MYO1B: variants seen among roughly 807,000 people sequenced by gnomAD.
MYO1B encodes myosin IB.
A neutral mutation model predicts 159.7 loss-of-function variants in MYO1B; 72 were observed. That is an observed-to-expected ratio of 0.45 (90% CI 0.37 to 0.55). The LOEUF is 0.55. Among genes scored for constraint, MYO1B ranks in the 20% least tolerant of loss-of-function variants. The pLI is 0.00. For synonymous variants in MYO1B, 468 were observed against 473.8 expected (o/e 0.99, Z 0.16); for missense variants, 1,062 against 1,364.8 (o/e 0.78, Z 3.50).
rs71403288 is a variant in MYO1B at position 191,360,751 on chromosome 2, G to GTGTTGTTGTTGTTGT, written c.661+46_661+60dup. On this transcript the variant is annotated intron_variant, in intron 8 of 30. Coordinates refer to ENST00000392318, the MANE Select transcript of MYO1B (RefSeq NM_001130158.3). Reference sequence around the variant, plus strand: ...CTCAGTAAGTCTCTGTTTCTATGTGGTGTTGTTGTTGTTGTTGTTGTTGTT... The same window carrying GTGTTGTTGTTGTTGT: ...CTCAGTAAGTCTCTGTTTCTATGTGGTGTTGTTGTTGTTGTTGTTGTTGTTGTTGTTGTTGTTGTT... 6.0e-4 allele frequency: 673 copies of GTGTTGTTGTTGTTGT among 1,118,286 alleles called. 3 individuals carry two copies. Among genetic ancestry groups the GTGTTGTTGTTGTTGT allele is most frequent in the East Asian group, 2.6e-3 (108 of 41,236 alleles). 69.3% of individuals were successfully genotyped at this position (1,118,286 alleles called of 1,614,324 possible).
At chr2:191,391,292 A>G (rs866380662) in intron 18 of MYO1B, among the ~76,000 whole-genome samples, 12 of 152,308 alleles carry the variant, frequency 7.9e-5, no homozygotes, top group African/African-American at 1.2e-4. Flanking sequence ...ATTTAACTGT[A>G]CTGGTATTGC....
chr2:191,411,668 T>C (rs1697256863), intron 27 of MYO1B, among the ~76,000 whole-genome samples: 1 of 152,190 alleles, frequency 6.6e-6, no homozygotes, highest in South Asian at 2.1e-4. Context: ...TGCCCTTTGG[T>C]CTGCTAACTC....
At chr2:191,339,671 C>G (rs1291262671) in intron 4 of MYO1B, among the ~76,000 whole-genome samples, 1 of 152,146 alleles carries the variant, frequency 6.6e-6, no homozygotes, top group Non-Finnish European at 1.5e-5. Context: ...ATTGAAGAAG[C>G]ACCTAATGTC....
chr2:191,400,276 A>C, intron 21 of MYO1B, 106 bp from the exon 22 acceptor site: 1 of 1,205,178 alleles, frequency 8.3e-7, no homozygotes, highest in Non-Finnish European at 1.2e-6. Flanking sequence ...GATTTATCAC[A>C]ATAGCATGGG....
chr2:191,421,133 G>C (rs1313754964), intron 30 of MYO1B, among the ~76,000 whole-genome samples: 1 of 150,182 alleles, frequency 6.7e-6, no homozygotes, highest in Non-Finnish European at 1.5e-5. Flanking sequence ...GCAGTGGCGA[G>C]ATCTCGGCTC....
At chr2:191,413,796 C>T (rs981509610) in intron 27 of MYO1B, among the ~76,000 whole-genome samples, 7 of 152,042 alleles carry the variant, frequency 4.6e-5, no homozygotes, top group African/African-American at 1.4e-4. Flanking sequence ...TTGATTGTTC[C>T]GTGTGATAAG....
At chr2:191,364,856 G>A (rs1240194997) in intron 11 of MYO1B, among the ~76,000 whole-genome samples, 2 of 152,198 alleles carry the variant, frequency 1.3e-5, no homozygotes, top group South Asian at 2.1e-4. Flanking sequence ...GGTGCTAGCT[G>A]GTTTAAGAGG....
Position 191,254,499 on chromosome 2 carries a change from C to T in MYO1B, c.-10+8873C>T, listed in dbSNP as rs569021606. Among the ~76,000 whole-genome samples the T allele has an allele frequency of 4.6e-5, 7 of 151,808 alleles. No individual in the cohort carries two copies. In the East Asian group the frequency reaches 1.2e-3, roughly 25 times the overall value. The stretch of plus-strand genomic sequence containing the variant: ...TGCTAGGATTACAGGCGTGAGCCAC[C>T]GCGCCCGGCCTCTTTTTTTTTTTTA... On this transcript the variant is annotated intron_variant, in intron 1 of 30. Transcript: ENST00000392318.
chr2:191,350,153 C>A lies in MYO1B; in HGVS notation c.499-9C>A. On this transcript the variant is annotated splice_polypyrimidine_tract_variant and intron_variant, in intron 6 of 30. Transcript: ENST00000392318. The stretch of plus-strand genomic sequence containing the variant: ...GAACTAGAAAACTCACAAAATCTTT[C>A]TTTGGCAGGGCAAATATATGGATAT... The A allele has an allele frequency of 6.2e-7, 1 of 1,612,022 alleles. No homozygotes were observed. Among genetic ancestry groups the A allele is most frequent in the Non-Finnish European group, 8.5e-7 (1 of 1,178,616 alleles).
chr2:191,264,887 G>A (rs1321007368), intron 1 of MYO1B, among the ~76,000 whole-genome samples: 1 of 151,880 alleles, frequency 6.6e-6, no homozygotes, highest in Non-Finnish European at 1.5e-5. Flanking sequence ...GCTGGGACAA[G>A]ATCCTAGGAG....
At chr2:191,280,521 G>A (rs1375583161) in intron 2 of MYO1B, among the ~76,000 whole-genome samples, 2 of 152,198 alleles carry the variant, frequency 1.3e-5, no homozygotes, top group African/African-American at 4.8e-5. Flanking sequence ...AGAAGAGGCA[G>A]TGCTGCTTCT....
At chr2:191,297,621 G>A (rs1243295982) in intron 3 of MYO1B, among the ~76,000 whole-genome samples, 1 of 152,178 alleles carries the variant, frequency 6.6e-6, no homozygotes, top group East Asian at 1.9e-4. Flanking sequence ...ATATTGATGA[G>A]GAAATGTTCA....
At chr2:191,298,385 A>G (rs1028140720) in intron 3 of MYO1B, among the ~76,000 whole-genome samples, 4 of 152,172 alleles carry the variant, frequency 2.6e-5, no homozygotes, top group African/African-American at 9.7e-5. Flanking sequence ...GAAATACTTT[A>G]TTTGATACCT....
intron 3 of MYO1B, among the ~76,000 whole-genome samples, chr2:191,312,443 T>C (rs1201926274): frequency 6.6e-6 from 1 of 152,274 alleles, no homozygotes; most frequent in Non-Finnish European, 1.5e-5. Flanking sequence ...CAAACACATA[T>C]GGTCCATATT....
chr2:191,296,022 AG>A (rs1420335302), intron 2 of MYO1B, 88 bp from the exon 3 acceptor site: 1 of 589,052 alleles, frequency 1.7e-6, no homozygotes, highest in African/African-American at 1.9e-5. Context: ...TGATTTTAAA[AG>A]GTTGAAACCA....
At chr2:191,308,685 A>T (rs1689800617) in intron 3 of MYO1B, among the ~76,000 whole-genome samples, 1 of 151,998 alleles carries the variant, frequency 6.6e-6, no homozygotes, top group Non-Finnish European at 1.5e-5. Context: ...TATTGTCTCT[A>T]GTTCATCTCT....
intron 19 of MYO1B, 50 bp downstream of exon 19, chr2:191,392,251 G>A (rs1211997433): frequency 7.2e-7 from 1 of 1,385,164 alleles, no homozygotes; most frequent in Admixed American, 1.8e-5. Flanking sequence ...AATCGTATAG[G>A]AAAGTTCTTA....
intron 20 of MYO1B, among the ~76,000 whole-genome samples, chr2:191,395,217 C>CAT (rs1273866213): frequency 3.0e-4 from 45 of 152,204 alleles, no homozygotes; most frequent in African/African-American, 9.2e-4. Flanking sequence ...TGTTCTACAG[C>CAT]TACATCTGTG....
chr2:191,327,019 AATG>A (rs1432399977), intron 3 of MYO1B, among the ~76,000 whole-genome samples: 3 of 152,164 alleles, frequency 2.0e-5, no homozygotes, highest in Non-Finnish European at 4.4e-5. Flanking sequence ...ATTTCTTGCC[AATG>A]ATGATAATGA....
Sources: allele counts gnomAD v4.1 joint callset (sites outside exome capture counted in the v4.1 genomes callset), GRCh38; gene constraint gnomAD v4.1.1; transcripts MANE v1.5; gene names NCBI Gene and HGNC (gene_info 2026-07-23, HGNC 2026-07-21).